The following KIFC2 variants were observed in gnomAD, a reference collection of about 807,000 sequenced individuals.
KIFC2 encodes the protein kinesin family member C2.
KIFC2 carries 94 observed loss-of-function variants against 91.5 expected under a neutral mutation model. The ratio of observed to expected loss-of-function variants is 1.03; its 90% CI spans 0.87 to 1.22. The LOEUF (loss-of-function observed/expected upper bound fraction) is 1.22. Among genes scored for constraint, KIFC2 ranks in the 50% most tolerant of loss-of-function variants. The pLI is 0.00. For missense variants in KIFC2, 1,357 were observed against 1,103.3 expected (o/e 1.23, Z -3.26); for synonymous variants, 729 against 503.9 (o/e 1.45, Z -5.98).
rs906695804 is a variant in KIFC2, at chr8:144,467,777, G to A, written c.679G>A (p.Val227Met). 2 of 1,613,678 alleles carry A rather than the reference G, an allele frequency of 1.2e-6. No homozygotes were observed. The highest frequency in any genetic ancestry group is 8.5e-7 in the Non-Finnish European group (1 of 1,179,994). ...GGAGTTGGGTCGACTGCGCCTGGGC[G>A]TGGTGAGGCTGCAGGGAGACCTGGC... ...EEELGRLRLG[V>M]GATDSEKRVQ... Residue 227 changes from valine to methionine, a missense_variant and splice_region_variant, in exon 6 of 18, where the codon GTG (valine) becomes ATG (methionine). By Grantham distance (21) the Val-to-Met change is conservative. Coordinates refer to ENST00000645548, the MANE Select transcript of KIFC2 (RefSeq NM_001369769.2).
At position 144,468,623 on chromosome 8, in the gene KIFC2, C is replaced by T. The variant is rs1434868293; in HGVS notation, c.976C>T (p.Leu326=). Residue 326 remains leucine (L), a synonymous_variant, in exon 9 of 18, where the codon CTA becomes TTA. Transcript: ENST00000645548. The stretch of plus-strand genomic sequence containing the variant: ...GACGGAGCAGAACTGCAGGCGTGAG[C>T]TACAGCAGATGCATGGGCAGCTGGC... ...QETEQNCRRE[L]QQMHGQLAGL... is the part of the protein sequence containing the mutation. The T allele has an allele frequency of 1.2e-6, 2 of 1,613,510 alleles. No homozygotes were observed. Among genetic ancestry groups the T allele is most frequent in the South Asian group, 2.2e-5 (2 of 91,060 alleles).
At position 144,466,954 on chromosome 8, in the gene KIFC2, G is replaced by A. The variant is rs1190383643; in HGVS notation, c.179-5G>A. 2.5e-6 allele frequency: 4 copies of A among 1,590,430 alleles called. No homozygotes were observed. The East Asian group carries it at 6.7e-5, about 27-fold the overall frequency. ...ATGTCTCCCGCCCTCCTCCCTGACC[G>A]GCAGCCAGCTCCGAGCCTGAGGATG... On this transcript the variant is annotated splice_region_variant and splice_polypyrimidine_tract_variant and intron_variant, in intron 2 of 17. Coordinates refer to ENST00000645548, the MANE Select transcript of KIFC2 (RefSeq NM_001369769.2).
upstream of KIFC2, chr8:144,466,165 T>G (rs933907445): frequency 8.9e-5 from 15 of 167,824 alleles, no homozygotes; most frequent in Non-Finnish European, 1.5e-4. Flanking sequence ...CCGTGGGCGC[T>G]CTCAGCCCGG....
rs372743417 is a variant in KIFC2, at chr8:144,468,850, C to A, written c.1113+16C>A. 2 of 1,594,570 alleles carry A rather than the reference C, an allele frequency of 1.3e-6. No homozygotes were observed. Among genetic ancestry groups the A allele is most frequent in the African/African-American group, 2.7e-5 (2 of 74,510 alleles). On this transcript the variant is annotated intron_variant, in intron 10 of 17. Coordinates refer to ENST00000645548, the MANE Select transcript of KIFC2 (RefSeq NM_001369769.2). Reference sequence around the variant, plus strand: ...CCGGGGCCAGGTCAGGACCCCTCCCCGCCTAGCCCCTCCTCTCTGGGCAGC... The same window carrying A: ...CCGGGGCCAGGTCAGGACCCCTCCCAGCCTAGCCCCTCCTCTCTGGGCAGC...
rs1824752472 is a variant in KIFC2, at chr8:144,467,936, G to A, written c.759G>A (p.Met253Ile). 1.2e-6 allele frequency: 2 copies of A among 1,608,416 alleles called. No homozygotes were observed. Among genetic ancestry groups the A allele is most frequent in the East Asian group, 2.2e-5 (1 of 44,812 alleles). The change falls in exon 7 of 18, where the codon ATG (methionine) becomes ATA (isoleucine). Residue 253 changes from methionine to isoleucine, a missense_variant. Physicochemically the swap from Met to Ile is conservative, Grantham distance 10. Coordinates refer to ENST00000645548, the MANE Select transcript of KIFC2 (RefSeq NM_001369769.2). Reference sequence around the variant, plus strand: ...CCCTGAAGCAGAGCCTGAGTCTCATGCGGGACCTCCTGCTGCACTGGGGCC... The same window carrying A: ...CCCTGAAGCAGAGCCTGAGTCTCATACGGGACCTCCTGCTGCACTGGGGCC... ...NEALKQSLSL[M>I]RDLLLHWGPG...
intron 3 of KIFC2, 43 bp from the exon 4 acceptor site, chr8:144,467,160 C>A (rs1824694643): frequency 6.2e-7 from 1 of 1,612,886 alleles, no homozygotes; most frequent in Non-Finnish European, 8.5e-7. Context: ...CCCCGGCCTT[C>A]CTGGCTTTCA....
chr8:144,467,027 G>C lies in KIFC2; in HGVS notation c.247G>C (p.Glu83Gln), dbSNP rs778520731. ...EGRAAAVSLE[E>Q]ALLRLAEFLS... ...CCGCGCGGCCGCGGTGTCCCTGGAA[G>C]AGGCCCTACTGCGCCTCGCCGAGTT... The change falls in exon 3 of 18, where the codon GAG becomes CAG. Residue 83 changes from glutamate (E) to glutamine (Q), a missense_variant. Glu to Gln is a conservative substitution (Grantham distance 29, BLOSUM62 2). Transcript: ENST00000645548. The C allele has an allele frequency of 1.9e-6, 3 of 1,597,272 alleles. No individual in the cohort carries two copies. The highest frequency in any genetic ancestry group is 2.2e-5 in the South Asian group (2 of 89,540).
intron 12 of KIFC2, among the ~76,000 whole-genome samples, chr8:144,471,110 C>T (rs986314419): frequency 6.6e-6 from 1 of 151,546 alleles, no homozygotes; most frequent in Non-Finnish European, 1.5e-5. Context: ...ATTACAGGTG[C>T]GTGCCACCAT....
chr8:144,472,264 G>A lies in KIFC2; in HGVS notation c.1607+5G>A. ...GATCTACAATGAGGCTGTCAGGTGG[G>A]CTACTCCACCAGGGAGGCCTTCTCC... On this transcript the variant is annotated splice_donor_5th_base_variant and intron_variant, in intron 14 of 17. Coordinates refer to ENST00000645548, the MANE Select transcript of KIFC2 (RefSeq NM_001369769.2). 6.2e-7 allele frequency: 1 copy of A among 1,613,320 alleles called. No homozygotes were observed. Among genetic ancestry groups the A allele is most frequent in the Admixed American group, 1.7e-5 (1 of 60,022 alleles).
Position 144,468,715 on chromosome 8 carries a change from C to T in KIFC2, c.1004-10C>T, listed in dbSNP as rs1188159609. On this transcript the variant is annotated splice_polypyrimidine_tract_variant and intron_variant, in intron 9 of 17. Transcript: ENST00000645548. ...CTGGGCCTTCCCTTCCAACAGACTTCCCTCTCCAGGACTTCGGGCACGGAT... is the reference window on the plus strand; with the variant it reads ...CTGGGCCTTCCCTTCCAACAGACTTTCCTCTCCAGGACTTCGGGCACGGAT... 3.0e-5 allele frequency: 49 copies of T among 1,613,946 alleles called. No individual in the cohort carries two copies. Among genetic ancestry groups the T allele is most frequent in the Non-Finnish European group, 4.0e-5 (47 of 1,179,950 alleles).
At position 144,468,020 on chromosome 8, in the gene KIFC2, A is replaced by C. The variant is rs1240317580; in HGVS notation, c.810+33A>C. ...GCTCCCGAGCTGCAGCCGTTCCTGC[A>C]GCCTGGGGCTCTTGCACACCTGGCA... On this transcript the variant is annotated intron_variant, in intron 7 of 17. Coordinates refer to ENST00000645548, the MANE Select transcript of KIFC2 (RefSeq NM_001369769.2). The C allele has an allele frequency of 2.0e-6, 3 of 1,505,158 alleles. No individual in the cohort carries two copies. In the Admixed American group the frequency reaches 8.0e-5, roughly 40 times the overall value. 93.2% of individuals were successfully genotyped at this position (1,505,158 alleles called of 1,614,324 possible).
chr8:144,470,225 C>T (rs1398917902), intron 12 of KIFC2, among the ~76,000 whole-genome samples: 1 of 151,816 alleles, frequency 6.6e-6, no homozygotes, highest in East Asian at 1.9e-4. Flanking sequence ...CTCACAGGGA[C>T]AGGGGGACGA....
Position 144,467,309 on chromosome 8 carries a change from C to G in KIFC2, c.437C>G (p.Pro146Arg), listed in dbSNP as rs1205992130. ...GRQALLQGTQ[P>R]APRVRPPSPD... is the part of the protein sequence containing the mutation. ...CAGGCCCTGCTCCAGGGGACTCAGC[C>G]AGCCCCTCGGGTCCGGCCCCCCTCT... The change falls in exon 4 of 18, where the codon CCA becomes CGA. Residue 146 changes from proline (P) to arginine (R), a missense_variant. By Grantham distance (103) the Pro-to-Arg change is moderately radical. Transcript: ENST00000645548. The G allele has an allele frequency of 1.2e-6, 2 of 1,612,036 alleles. No individual in the cohort carries two copies. The highest frequency in any genetic ancestry group is 1.7e-6 in the Non-Finnish European group (2 of 1,179,368).
intron 10 of KIFC2, among the ~76,000 whole-genome samples, 187 bp downstream of exon 10, chr8:144,469,021 A>G (rs948795042): frequency 6.6e-6 from 1 of 152,206 alleles, no homozygotes; most frequent in Non-Finnish European, 1.5e-5. Context: ...CTTGGTTGAC[A>G]GTAAACTCTT....
Position 144,473,589 on chromosome 8 carries a change from C to T in KIFC2, c.*200C>T. The T allele has an allele frequency of 1.3e-6, 1 of 749,284 alleles. No individual in the cohort carries two copies. The highest frequency in any genetic ancestry group is 2.0e-6 in the Non-Finnish European group (1 of 499,390). 46.4% of individuals were successfully genotyped at this position (749,284 alleles called of 1,614,324 possible). A position where few individuals can be genotyped will look rare whatever the true frequency, so the allele number is the denominator to read the frequency against. On this transcript the variant is annotated 3_prime_UTR_variant, in exon 18 of 18. Transcript: ENST00000645548. ...GCCTGCTGAAGTGATCACCCCCCGC[C>T]CCCAGCCCTGCATCAGGCCACAGGT...
rs539596910 is a variant in KIFC2, at chr8:144,467,143, C to G, written c.330+33C>G. On this transcript the variant is annotated intron_variant, in intron 3 of 17. Transcript: ENST00000645548. ...CGGCGGAGGGGGCTGCTGGCAGGTACCACCTGCCCCGGCCTTCCTGGCTTT... is the reference window on the plus strand; with the variant it reads ...CGGCGGAGGGGGCTGCTGGCAGGTAGCACCTGCCCCGGCCTTCCTGGCTTT... 9.9e-6 allele frequency: 16 copies of G among 1,611,098 alleles called. No individual in the cohort carries two copies. The African/African-American group carries it at 2.0e-4, about 20-fold the overall frequency.
At position 144,471,568 on chromosome 8, in the gene KIFC2, C is replaced by G. The variant is rs573474887; in HGVS notation, c.1381-374C>G. 5.3e-5 allele frequency among the ~76,000 whole-genome samples: 8 copies of G among 152,268 alleles called. No homozygotes were observed. The South Asian group carries it at 1.7e-3, about 32-fold the overall frequency. The stretch of plus-strand genomic sequence containing the variant: ...GCTCAACCAATCCACCCTCCTTGGC[C>G]TCTCAAAATGCTGGGATTTATTTTT... On this transcript the variant is annotated intron_variant, in intron 12 of 17. Coordinates refer to ENST00000645548, the MANE Select transcript of KIFC2 (RefSeq NM_001369769.2).
chr8:144,468,629 C>T lies in KIFC2; in HGVS notation c.982C>T (p.Gln328Ter). ...TEQNCRRELQ[Q>*]MHGQLAGLRA... ...GCAGAACTGCAGGCGTGAGCTACAG[C>T]AGATGCATGGGCAGCTGGCAGGTAA... Residue 328 changes from glutamine to a stop codon, truncating the protein, a stop_gained, in exon 9 of 18, where the codon CAG (glutamine) becomes TAG (stop). Coordinates refer to ENST00000645548, the MANE Select transcript of KIFC2 (RefSeq NM_001369769.2). LOFTEE classifies it high-confidence loss of function. 1 of 1,613,468 alleles carries T rather than the reference C, an allele frequency of 6.2e-7. No individual in the cohort carries two copies.
chr8:144,466,758 A>G lies in KIFC2; in HGVS notation c.100-2A>G. The G allele has an allele frequency of 6.5e-7, 1 of 1,529,410 alleles. No individual in the cohort carries two copies. Among genetic ancestry groups the G allele is most frequent in the Non-Finnish European group, 8.7e-7 (1 of 1,144,970 alleles). The allele number at this position is 1,529,410 out of a possible 1,614,324, so 94.7% of individuals were successfully genotyped here. A position where few individuals can be genotyped will look rare whatever the true frequency, so the allele number is the denominator to read the frequency against. The stretch of plus-strand genomic sequence containing the variant: ...TCAGGGGCGCCCCTGCCCCCTCCCT[A>G]GAGAGCCCGCAAGCCCCGGGGTCGC... On this transcript the variant is annotated splice_acceptor_variant, in intron 1 of 17. Transcript: ENST00000645548. LOFTEE classifies it high-confidence loss of function.
Sources: gnomAD v4.1 joint callset for allele counts (sites outside exome capture counted in the v4.1 genomes callset) on GRCh38, gnomAD v4.1.1 for gene constraint, MANE v1.5 for transcripts, NCBI Gene and HGNC (gene_info 2026-07-23, HGNC 2026-07-21) for gene names.